ENOX1: variants seen among roughly 807,000 people sequenced by gnomAD.
ENOX1 encodes candidate growth-related and time keeping constitutive hydroquinone (NADH) oxidase.
A neutral mutation model predicts 82.5 loss-of-function variants in ENOX1; 42 were observed. The observed-to-expected ratio is 0.51, with a 90% CI of 0.40 to 0.66. ENOX1 has a LOEUF of 0.66. ENOX1 is among the 30% of genes least tolerant of loss of function. The pLI is 0.00. For missense variants in ENOX1, 608 were observed against 811.6 expected, an observed-to-expected ratio of 0.75 and a Z score of 3.05; for synonymous variants, 271 against 282.2, an observed-to-expected ratio of 0.96 and a Z score of 0.40.
chr13:43,720,530 C>G (rs1244628041), intron 1 of ENOX1, among the ~76,000 whole-genome samples: 1 of 152,182 alleles, frequency 6.6e-6, no homozygotes, highest in Non-Finnish European at 1.5e-5. Context: ...CTACTCAGTG[C>G]TGGTGTTATG....
intron 14 of ENOX1, among the ~76,000 whole-genome samples, chr13:43,256,880 T>C (rs2043780260): frequency 6.6e-6 from 1 of 152,136 alleles, no homozygotes; most frequent in South Asian, 2.1e-4. Context: ...CTATTCACAA[T>C]AGTCAAAATA....
chr13:43,433,542 T>C (rs926363685), intron 3 of ENOX1, among the ~76,000 whole-genome samples: 3 of 152,290 alleles, frequency 2.0e-5, no homozygotes, highest in African/African-American at 4.8e-5. Context: ...TCTAAAAGAA[T>C]TGTCTTAAAA....
intron 14 of ENOX1, 127 bp from the exon 15 acceptor site, chr13:43,236,865 T>A: frequency 4.3e-6 from 2 of 462,672 alleles, no homozygotes; most frequent in Non-Finnish European, 7.3e-6. Flanking sequence ...AAAGATCAAA[T>A]CTTTTATACA....
At chr13:43,354,582 A>T (rs2050030038) in intron 8 of ENOX1, among the ~76,000 whole-genome samples, 1 of 151,768 alleles carries the variant, frequency 6.6e-6, no homozygotes, top group Non-Finnish European at 1.5e-5. Flanking sequence ...CACTTTATAC[A>T]CTGCCAGCAA....
intron 2 of ENOX1, among the ~76,000 whole-genome samples, chr13:43,613,276 C>T (rs922646515): frequency 7.9e-5 from 12 of 152,032 alleles, no homozygotes; most frequent in African/African-American, 1.7e-4. Context: ...AAAACAGTTT[C>T]TAGGAAGTCT....
chr13:43,751,188 A>C (rs564291499), intron 1 of ENOX1, among the ~76,000 whole-genome samples: 1 of 152,294 alleles, frequency 6.6e-6, no homozygotes, highest in African/African-American at 2.4e-5. Context: ...TCTTTGTAGC[A>C]TTTCAACAAA....
At chr13:43,491,327 G>A (rs1452012413) in intron 2 of ENOX1, among the ~76,000 whole-genome samples, 1 of 152,118 alleles carries the variant, frequency 6.6e-6, no homozygotes, top group East Asian at 1.9e-4. Context: ...TCAGCATTGG[G>A]AATCACATTT....
At chr13:43,511,068 C>G (rs1228541365) in intron 2 of ENOX1, among the ~76,000 whole-genome samples, 1 of 152,160 alleles carries the variant, frequency 6.6e-6, no homozygotes. Flanking sequence ...AACTATTCTT[C>G]TACATATTTA....
chr13:43,435,993 A>G (rs1272196735), intron 3 of ENOX1, among the ~76,000 whole-genome samples: 1 of 151,778 alleles, frequency 6.6e-6, no homozygotes, highest in African/African-American at 2.4e-5. Flanking sequence ...CAGGCAGCTC[A>G]GGCAGGAAAT....
At chr13:43,630,538 C>T (rs1348756396) in intron 2 of ENOX1, among the ~76,000 whole-genome samples, 1 of 151,992 alleles carries the variant, frequency 6.6e-6, no homozygotes, top group African/African-American at 2.4e-5. Flanking sequence ...ACTTCAAAAG[C>T]TGAAGCTCCT....
chr13:43,338,444 T>C (rs979142717), intron 9 of ENOX1, among the ~76,000 whole-genome samples: 19 of 152,208 alleles, frequency 1.2e-4, no homozygotes, highest in African/African-American at 4.1e-4. Context: ...CGGGATAAGG[T>C]GACATGACAA....
chr13:43,506,141 T>G (rs2077152668), intron 2 of ENOX1, among the ~76,000 whole-genome samples: 1 of 152,036 alleles, frequency 6.6e-6, no homozygotes, highest in African/African-American at 2.4e-5. Flanking sequence ...ACCATGCTGT[T>G]TTGGTTACTG....
Position 43,293,394 on chromosome 13 carries a change from C to T in ENOX1, c.1446+4952G>A, listed in dbSNP as rs567497525. Among the ~76,000 whole-genome samples, 20 of 152,160 alleles carry T rather than the reference C, an allele frequency of 1.3e-4. No homozygotes were observed. The East Asian group carries it at 3.5e-3, about 26-fold the overall frequency. On this transcript the variant is annotated intron_variant, in intron 12 of 16. Transcript: ENST00000690772. ...CCACCACAGCTACCTTCATCACCAC[C>T]CCCACCATAGTCACCAAAACAACCA...
chr13:43,260,912 T>C (rs2044018421), intron 14 of ENOX1, among the ~76,000 whole-genome samples: 2 of 152,228 alleles, frequency 1.3e-5, no homozygotes, highest in South Asian at 4.1e-4. Flanking sequence ...CTTGCCTATC[T>C]GTCGTTAATA....
intron 5 of ENOX1, among the ~76,000 whole-genome samples, chr13:43,400,040 C>G (rs2053403941): frequency 6.6e-6 from 1 of 152,080 alleles, no homozygotes; most frequent in African/African-American, 2.4e-5. Context: ...CTCATGCCTT[C>G]TTTGTGCCCT....
intron 2 of ENOX1, among the ~76,000 whole-genome samples, chr13:43,646,749 T>TA (rs2083911569): frequency 6.6e-6 from 1 of 152,152 alleles, no homozygotes; most frequent in Non-Finnish European, 1.5e-5. Context: ...AAAAGCCAGA[T>TA]AGAGTCTTGG....
chr13:43,454,259 A>AT lies in ENOX1; in HGVS notation c.-75+29749dup, dbSNP rs575583341. Among the ~76,000 whole-genome samples the AT allele has an allele frequency of 3.2e-3, 456 of 142,620 alleles. 3 individuals carry two copies. Among genetic ancestry groups the AT allele is most frequent in the South Asian group, 0.031 (141 of 4,482 alleles). The allele number at this position is 142,620 out of a possible 152,430, so 93.6% of individuals were successfully genotyped here. A position where few individuals can be genotyped will look rare whatever the true frequency, so the allele number is the denominator to read the frequency against. ...TCCTTCCTGCTTCTCAGGGGAAACTATTTTTTTTTTTTGCTTTTATTATGA... is the reference window on the plus strand; with the variant it reads ...TCCTTCCTGCTTCTCAGGGGAAACTATTTTTTTTTTTTTGCTTTTATTATGA... On this transcript the variant is annotated intron_variant, in intron 3 of 16. Coordinates refer to ENST00000690772, the MANE Select transcript of ENOX1 (RefSeq NM_001347969.2).
chr13:43,633,930 T>C (rs1566677138), intron 2 of ENOX1, among the ~76,000 whole-genome samples: 1 of 152,170 alleles, frequency 6.6e-6, no homozygotes, highest in Non-Finnish European at 1.5e-5. Flanking sequence ...TGTAATCTTA[T>C]AATGAGTAAG....
At chr13:43,401,053 G>A (rs1421510520) in intron 5 of ENOX1, among the ~76,000 whole-genome samples, 1 of 147,570 alleles carries the variant, frequency 6.8e-6, no homozygotes. Flanking sequence ...TATTTAGCTA[G>A]CAGAGGATTC....
Sources: allele counts gnomAD v4.1 joint callset (sites outside exome capture counted in the v4.1 genomes callset), GRCh38; gene constraint gnomAD v4.1.1; transcripts MANE v1.5; gene names NCBI Gene and HGNC (gene_info 2026-07-23, HGNC 2026-07-21).